The following ARHGAP24 variants were observed in gnomAD, a reference collection of about 807,000 sequenced individuals.
ARHGAP24 encodes rho GTPase-activating protein 24.
Under a neutral mutation model 76.4 loss-of-function variants are expected in ARHGAP24, and 50 were observed. The ratio of observed to expected loss-of-function variants is 0.65; its 90% CI spans 0.52 to 0.83. The LOEUF (loss-of-function observed/expected upper bound fraction) is 0.83, where lower values mean the gene tolerates loss of function less well. Among genes scored for constraint, ARHGAP24 ranks in the 40% least tolerant of loss-of-function variants. ARHGAP24 has a pLI of 0.00. For missense variants in ARHGAP24, 930 were observed against 914.2 expected (o/e 1.02, Z -0.22); for synonymous variants, 345 against 323.3 (o/e 1.07, Z -0.72).
chr4:85,862,552 A>G (rs1227909732), intron 3 of ARHGAP24, among the ~76,000 whole-genome samples: 3 of 152,026 alleles, frequency 2.0e-5, no homozygotes, highest in African/African-American at 7.2e-5. Context: ...AGAAGCATGG[A>G]GTCCTTCTCA....
At chr4:85,506,619 G>A (rs950806261) in intron 1 of ARHGAP24, among the ~76,000 whole-genome samples, 4 of 149,316 alleles carry the variant, frequency 2.7e-5, no homozygotes. Flanking sequence ...TATTTGGGCA[G>A]AAGTGTCCCA....
intron 2 of ARHGAP24, among the ~76,000 whole-genome samples, chr4:85,668,899 G>A (rs1299976059): frequency 6.6e-6 from 1 of 152,138 alleles, no homozygotes; most frequent in Non-Finnish European, 1.5e-5. Context: ...AGTAAAGAAG[G>A]TCAGTTACAA....
chr4:85,968,005 A>G (rs1738733614), intron 5 of ARHGAP24, among the ~76,000 whole-genome samples: 2 of 152,270 alleles, frequency 1.3e-5, no homozygotes, highest in South Asian at 2.1e-4. Flanking sequence ...CATCTCATAC[A>G]TGGTTTGAAC....
chr4:85,487,864 TTATATAAATATATAATATATATAATAA>T (rs1723187362), intron 1 of ARHGAP24, among the ~76,000 whole-genome samples: 1 of 123,934 alleles, frequency 8.1e-6, no homozygotes, highest in Non-Finnish European at 1.6e-5. Context: ...ATTATATATA[TTATATAAATATATAATATATATAATAA>T]ATATATTTTA....
intron 7 of ARHGAP24, 26 bp from the exon 8 acceptor site, chr4:85,977,544 T>C: frequency 6.2e-7 from 1 of 1,610,566 alleles, no homozygotes; most frequent in East Asian, 2.2e-5. Context: ...CCCATTGTAT[T>C]TCAATCATAT....
chr4:85,586,461 T>C (rs1223039705), intron 2 of ARHGAP24, among the ~76,000 whole-genome samples: 1 of 152,246 alleles, frequency 6.6e-6, no homozygotes, highest in Non-Finnish European at 1.5e-5. Flanking sequence ...TCAATCATAA[T>C]ACTATTTTGG....
chr4:85,548,144 CT>C (rs1725991034), intron 1 of ARHGAP24, among the ~76,000 whole-genome samples: 3 of 152,108 alleles, frequency 2.0e-5, no homozygotes, highest in African/African-American at 7.2e-5. Context: ...GTTTTTGTGC[CT>C]TTTGATACCT....
chr4:85,811,947 A>T (rs77919054), intron 3 of ARHGAP24, among the ~76,000 whole-genome samples: 29,461 of 152,112 alleles, frequency 0.19, 3,494 homozygotes, highest in East Asian at 0.45. Flanking sequence ...AGGTGGAGGT[A>T]GGTGGATCAC....
intron 3 of ARHGAP24, among the ~76,000 whole-genome samples, chr4:85,907,599 G>C (rs1734837523): frequency 7.2e-6 from 1 of 138,390 alleles, no homozygotes; most frequent in African/African-American, 2.6e-5. Context: ...ATATGTGCTT[G>C]TCTGCATATG....
chr4:85,977,354 G>A (rs1340776937), intron 7 of ARHGAP24, among the ~76,000 whole-genome samples: 1 of 152,184 alleles, frequency 6.6e-6, no homozygotes, highest in African/African-American at 2.4e-5. Flanking sequence ...GCCAGGCCAA[G>A]ACAGATAGTT....
intron 2 of ARHGAP24, among the ~76,000 whole-genome samples, chr4:85,649,132 T>C (rs1432040187): frequency 6.6e-6 from 1 of 152,060 alleles, no homozygotes; most frequent in Admixed American, 6.6e-5. Flanking sequence ...GAAAGGCCTT[T>C]CTGTGTGATG....
intron 3 of ARHGAP24, among the ~76,000 whole-genome samples, chr4:85,876,551 C>T (rs1732948903): frequency 6.6e-6 from 1 of 152,188 alleles, no homozygotes; most frequent in Non-Finnish European, 1.5e-5. Flanking sequence ...GGGTCTCTGT[C>T]CTCAGTAAGC....
At chr4:85,477,529 G>T (rs750008897) in intron 1 of ARHGAP24, among the ~76,000 whole-genome samples, 1 of 152,214 alleles carries the variant, frequency 6.6e-6, no homozygotes, top group Non-Finnish European at 1.5e-5. Context: ...TTTTGCTGGG[G>T]ATAGTAATGG....
chr4:85,885,700 A>G (rs535992206), intron 3 of ARHGAP24, among the ~76,000 whole-genome samples: 4 of 152,194 alleles, frequency 2.6e-5, no homozygotes, highest in African/African-American at 9.6e-5. Flanking sequence ...AGTCCCATCT[A>G]TTTCCAAATA....
chr4:85,884,771 A>C (rs1031489689), intron 3 of ARHGAP24, among the ~76,000 whole-genome samples: 4 of 152,190 alleles, frequency 2.6e-5, no homozygotes, highest in African/African-American at 9.7e-5. Flanking sequence ...GGCAGCTTTG[A>C]TAAAGAAATC....
intron 2 of ARHGAP24, among the ~76,000 whole-genome samples, chr4:85,604,903 G>A (rs191808141): frequency 4.5e-4 from 68 of 151,840 alleles, no homozygotes; most frequent in African/African-American, 1.5e-3. Flanking sequence ...TAGTAGAAAC[G>A]GGGTTTCACC....
At chr4:85,976,775 TTC>T (rs1739354132) in intron 7 of ARHGAP24, among the ~76,000 whole-genome samples, 3 of 127,330 alleles carry the variant, frequency 2.4e-5, no homozygotes, top group Non-Finnish European at 1.6e-5. Context: ...AGCATTTTAT[TTC>T]TCTTTTTTTT....
At chr4:85,563,366 G>A (rs569242414) in intron 1 of ARHGAP24, among the ~76,000 whole-genome samples, 114 of 152,290 alleles carry the variant, frequency 7.5e-4, no homozygotes, top group African/African-American at 2.2e-3. Context: ...TGCTGGTAAG[G>A]TAGGTTTTGT....
At chr4:85,561,091 G>A (rs9994823) in intron 1 of ARHGAP24, among the ~76,000 whole-genome samples, 38,844 of 152,172 alleles carry the variant, frequency 0.26, 6,390 homozygotes, top group East Asian at 0.79. Flanking sequence ...GGAGTCTATT[G>A]TGGTGTAGAA....
Sources: gnomAD v4.1 joint callset for allele counts (sites outside exome capture counted in the v4.1 genomes callset) on GRCh38, gnomAD v4.1.1 for gene constraint, MANE v1.5 for transcripts, NCBI Gene and HGNC (gene_info 2026-07-23, HGNC 2026-07-21) for gene names.